The following TSPAN9 variants were observed in gnomAD, a reference collection of about 807,000 sequenced individuals.
TSPAN9 encodes the protein tetraspanin-9.
Under a neutral mutation model 31.0 loss-of-function variants are expected in TSPAN9, and 16 were observed. The ratio of observed to expected loss-of-function variants is 0.52; its 90% CI spans 0.35 to 0.78. The LOEUF (loss-of-function observed/expected upper bound fraction) is 0.78, where lower values mean the gene tolerates loss of function less well. TSPAN9 is among the 30% of genes least tolerant of loss of function. The pLI is 0.01. For missense variants in TSPAN9, 272 were observed against 312.5 expected (o/e 0.87, Z 0.98); for synonymous variants, 145 against 121.6 (o/e 1.19, Z -1.27).
chr12:3,246,886 G>A (rs994756012), intron 3 of TSPAN9, among the ~76,000 whole-genome samples: 7 of 152,182 alleles, frequency 4.6e-5, no homozygotes, highest in African/African-American at 1.4e-4. Context: ...TGGGGCAGAG[G>A]GAACAAGACC....
At chr12:3,089,422 G>A (rs1318101158) in intron 2 of TSPAN9, among the ~76,000 whole-genome samples, 2 of 149,000 alleles carry the variant, frequency 1.3e-5, no homozygotes, top group South Asian at 2.2e-4. Context: ...TCAGCCTCCC[G>A]AGTAGCTGGG....
intron 3 of TSPAN9, among the ~76,000 whole-genome samples, chr12:3,214,785 G>C (rs1292192137): frequency 2.0e-5 from 3 of 152,110 alleles, no homozygotes; most frequent in South Asian, 2.1e-4. Flanking sequence ...TTGACACACA[G>C]AACTGTCGCG....
intron 2 of TSPAN9, among the ~76,000 whole-genome samples, chr12:3,126,801 G>A (rs1431287598): frequency 6.6e-6 from 1 of 151,970 alleles, no homozygotes; most frequent in Non-Finnish European, 1.5e-5. Flanking sequence ...GATTGCTTGA[G>A]TGTAGGAGGT....
chr12:3,245,229 C>G (rs1398557560), intron 3 of TSPAN9, among the ~76,000 whole-genome samples: 1 of 152,210 alleles, frequency 6.6e-6, no homozygotes, highest in Non-Finnish European at 1.5e-5. Flanking sequence ...AAGCACGTTT[C>G]TTGCACCTGC....
intron 2 of TSPAN9, among the ~76,000 whole-genome samples, chr12:3,181,194 C>T (rs578215574): frequency 2.7e-4 from 41 of 152,162 alleles, no homozygotes; most frequent in African/African-American, 9.2e-4. Flanking sequence ...AGACTAATTG[C>T]ATTAGCCAGA....
chr12:3,201,355 C>A, intron 3 of TSPAN9, 99 bp downstream of exon 3: 1 of 1,210,036 alleles, frequency 8.3e-7, no homozygotes, highest in Non-Finnish European at 1.2e-6. Context: ...CATTGCTCTG[C>A]TCTCTGCACA....
chr12:3,203,100 A>G (rs1204711171), intron 3 of TSPAN9, among the ~76,000 whole-genome samples: 1 of 152,178 alleles, frequency 6.6e-6, no homozygotes, highest in Non-Finnish European at 1.5e-5. Flanking sequence ...TATTAGGAAG[A>G]CAGACCCTGG....
intron 2 of TSPAN9, among the ~76,000 whole-genome samples, chr12:3,108,329 A>G (rs2098315703): frequency 6.6e-6 from 1 of 152,196 alleles, no homozygotes; most frequent in African/African-American, 2.4e-5. Flanking sequence ...TTGGCTTGGT[A>G]TAGGATCTCA....
chr12:3,126,958 A>G (rs766048286), intron 2 of TSPAN9, among the ~76,000 whole-genome samples: 13 of 152,126 alleles, frequency 8.5e-5, no homozygotes, highest in South Asian at 2.1e-4. Context: ...AAGCAAAAAA[A>G]ATTCATGGAG....
rs780529659 is a variant in TSPAN9, at chr12:3,281,730, C to A, written c.565-4C>A. ...ACCCTAACCTCGTGGGCCTCGCTCC[C>A]CAGGGCTGCTATGAAAAGGTGAAGA... On this transcript the variant is annotated splice_polypyrimidine_tract_variant and splice_region_variant and intron_variant, in intron 7 of 8. Transcript: ENST00000011898. The A allele has an allele frequency of 2.0e-5, 33 of 1,611,662 alleles. No individual in the cohort carries two copies. The highest frequency in any genetic ancestry group is 2.7e-5 in the Non-Finnish European group (32 of 1,178,066).
intron 2 of TSPAN9, among the ~76,000 whole-genome samples, chr12:3,114,889 GA>G (rs2153965694): frequency 6.6e-6 from 1 of 151,296 alleles, no homozygotes; most frequent in African/African-American, 2.4e-5. Flanking sequence ...TAACATTAAG[GA>G]AGAAGGCCAA....
At chr12:3,089,150 T>C (rs535547368) in intron 2 of TSPAN9, among the ~76,000 whole-genome samples, 7 of 149,802 alleles carry the variant, frequency 4.7e-5, no homozygotes, top group Admixed American at 1.3e-4. Flanking sequence ...GAGAATGGCA[T>C]GAACCTGGGA....
intron 2 of TSPAN9, among the ~76,000 whole-genome samples, chr12:3,093,626 C>T (rs2098306118): frequency 6.6e-6 from 1 of 152,090 alleles, no homozygotes. Flanking sequence ...TAGGCCTTAA[C>T]AGATATTTGT....
intron 3 of TSPAN9, among the ~76,000 whole-genome samples, chr12:3,266,501 C>T (rs537168630): frequency 3.9e-5 from 6 of 152,304 alleles, no homozygotes; most frequent in East Asian, 1.9e-4. Flanking sequence ...CGAAGAGCTC[C>T]GTGACCTGGG....
Position 3,226,773 on chromosome 12 carries a change from TATATATATATATATATA to T in TSPAN9, c.63+25518_63+25534del, listed in dbSNP as rs1565622570. Reference sequence around the variant, plus strand: ...ATATATATATATATATATATATATATATATATATATATATATATATATTTTTTTTTTTTTTTCCCTCT... The same window carrying T: ...ATATATATATATATATATATATATATTATATTTTTTTTTTTTTTTCCCTCT... On this transcript the variant is annotated intron_variant, in intron 3 of 8. Transcript: ENST00000011898. Among the ~76,000 whole-genome samples the T allele has an allele frequency of 3.3e-3, 18 of 5,490 alleles. 5 individuals are homozygous for T. Among genetic ancestry groups the T allele is most frequent in the Non-Finnish European group, 5.8e-3 (14 of 2,416 alleles). 3.6% of individuals were successfully genotyped at this position (5,490 alleles called of 152,430 possible). A position where few individuals can be genotyped will look rare whatever the true frequency, so the allele number is the denominator to read the frequency against.
intron 2 of TSPAN9, among the ~76,000 whole-genome samples, chr12:3,120,257 A>T (rs1019703411): frequency 4.6e-5 from 7 of 152,132 alleles, no homozygotes; most frequent in African/African-American, 1.7e-4. Context: ...TTCGAACAGG[A>T]TCTTGGGGGC....
At chr12:3,161,170 G>A (rs773969885) in intron 2 of TSPAN9, among the ~76,000 whole-genome samples, 1 of 151,970 alleles carries the variant, frequency 6.6e-6, no homozygotes, top group South Asian at 2.1e-4. Context: ...GGGATGAGTC[G>A]AGATTGCACC....
intron 2 of TSPAN9, among the ~76,000 whole-genome samples, chr12:3,144,508 A>G (rs576989513): frequency 1.3e-5 from 2 of 152,290 alleles, no homozygotes; most frequent in South Asian, 4.1e-4. Context: ...CAATGACCAG[A>G]AGCTAGAAAG....
chr12:3,129,347 G>A (rs1040618183), intron 2 of TSPAN9, among the ~76,000 whole-genome samples: 14 of 152,166 alleles, frequency 9.2e-5, no homozygotes, highest in African/African-American at 3.1e-4. Flanking sequence ...TGTGTTTTCC[G>A]AGGTAGTTTT....
Sources: gnomAD v4.1 joint callset for allele counts (sites outside exome capture counted in the v4.1 genomes callset) on GRCh38, gnomAD v4.1.1 for gene constraint, MANE v1.5 for transcripts, NCBI Gene and HGNC (gene_info 2026-07-23, HGNC 2026-07-21) for gene names.